The following UNC79 variants were observed in gnomAD, a reference collection of about 807,000 sequenced individuals.
UNC79 encodes unc-79 subunit of NALCN channel complex.
Under a neutral mutation model 283.1 loss-of-function variants are expected in UNC79, and 37 were observed. The ratio of observed to expected loss-of-function variants is 0.13; its 90% CI spans 0.10 to 0.17. The LOEUF is 0.17. Among genes scored for constraint, UNC79 ranks in the 10% least tolerant of loss-of-function variants. UNC79 has a pLI of 1.00. For missense variants in UNC79, 2,272 were observed against 3,211.1 expected (o/e 0.71, Z 7.07); for synonymous variants, 1,107 against 1,200.2 (o/e 0.92, Z 1.61).
intron 1 of UNC79, among the ~76,000 whole-genome samples, chr14:93,353,476 T>G (rs182643403): frequency 7.1e-4 from 108 of 152,340 alleles, no homozygotes; most frequent in Admixed American, 1.4e-3. Flanking sequence ...TCTTTCTTAG[T>G]CTTAGCCTCT....
At chr14:93,536,689 G>A (rs2061092047) in intron 11 of UNC79, among the ~76,000 whole-genome samples, 1 of 151,490 alleles carries the variant, frequency 6.6e-6, no homozygotes, top group African/African-American at 2.4e-5. Context: ...TGGGAATGAT[G>A]ACTTACGATT....
intron 14 of UNC79, 145 bp from the exon 15 acceptor site, chr14:93,571,749 A>T (rs960478280): frequency 1.3e-6 from 1 of 748,190 alleles, no homozygotes; most frequent in African/African-American, 1.8e-5. Flanking sequence ...TTACGAATCA[A>T]TCTCACACTG....
At chr14:93,538,845 T>C (rs1299434242) in intron 12 of UNC79, among the ~76,000 whole-genome samples, 4 of 147,892 alleles carry the variant, frequency 2.7e-5, no homozygotes, top group Non-Finnish European at 6.0e-5. Context: ...ACTTCTACCC[T>C]TCCTCTCTTT....
At chr14:93,701,096 C>T (rs2075496805) in intron 47 of UNC79, among the ~76,000 whole-genome samples, 2 of 152,188 alleles carry the variant, frequency 1.3e-5, no homozygotes, top group Non-Finnish European at 2.9e-5. Context: ...CCTCTCCTCA[C>T]TCAGGAAGAC....
chr14:93,497,232 C>A (rs1471081131), exon 7 of UNC79: 1 of 1,613,448 alleles, frequency 6.2e-7, no homozygotes, highest in Non-Finnish European at 8.5e-7. Flanking sequence ...CCACTACTGG[C>A]CCAATTTAAA....
intron 1 of UNC79, among the ~76,000 whole-genome samples, chr14:93,418,122 GCT>G (rs1044531778): frequency 5.3e-5 from 8 of 151,674 alleles, no homozygotes; most frequent in African/African-American, 1.5e-4. Context: ...CAGTTTTTCT[GCT>G]CTGTTTTTTC....
In UNC79 at chr14:93,706,705, A is replaced by G. The variant is rs200750709; in HGVS notation, c.7592A>G (p.His2531Arg). The G allele has an allele frequency of 1.8e-4, 287 of 1,614,034 alleles. 1 individual carries two copies. The East Asian group carries it at 5.9e-3, about 33-fold the overall frequency. The stretch of plus-strand genomic sequence containing the variant: ...AAACCTCTTGCCCTTTTTCGACAGC[A>G]CTTATCTGCGGGACTCCAGCTTCGC... Residue 2531 changes from histidine (H) to arginine (R), a missense_variant and splice_region_variant, in exon 49 of 49, where the codon CAC becomes CGC. Around this residue, in one of 11 missense-constraint regions of UNC79, gnomAD observed 225 missense variants for 334.2 expected, o/e 0.67. Transcript: ENST00000555664.
chr14:93,609,961 T>C (rs1307536008), intron 26 of UNC79, among the ~76,000 whole-genome samples: 4 of 152,274 alleles, frequency 2.6e-5, no homozygotes, highest in South Asian at 4.2e-4. Context: ...TTTCAGTACA[T>C]TTGTTAAAGA....
intron 7 of UNC79, among the ~76,000 whole-genome samples, chr14:93,500,435 G>A (rs965122557): frequency 6.6e-6 from 1 of 152,072 alleles, no homozygotes; most frequent in Non-Finnish European, 1.5e-5. Flanking sequence ...GTAGACCATG[G>A]CATTCTGTGT....
chr14:93,638,931 C>A (rs2068757564), intron 32 of UNC79, among the ~76,000 whole-genome samples: 1 of 152,198 alleles, frequency 6.6e-6, no homozygotes, highest in African/African-American at 2.4e-5. Flanking sequence ...CTATGGGGAT[C>A]AGTGTCCAAT....
At chr14:93,376,687 G>A (rs1485238955) in intron 1 of UNC79, among the ~76,000 whole-genome samples, 1 of 152,170 alleles carries the variant, frequency 6.6e-6, no homozygotes, top group South Asian at 2.1e-4. Context: ...CATCTGGTTG[G>A]CTCCAGCTAG....
At chr14:93,420,248 G>T (rs370211338) in intron 1 of UNC79, among the ~76,000 whole-genome samples, 1 of 148,988 alleles carries the variant, frequency 6.7e-6, no homozygotes, top group Admixed American at 6.7e-5. Context: ...GACACACATC[G>T]ACTGAAAACA....
chr14:93,409,763 G>A (rs1700079279), intron 1 of UNC79, among the ~76,000 whole-genome samples: 1 of 152,068 alleles, frequency 6.6e-6, no homozygotes, highest in African/African-American at 2.4e-5. Context: ...TCATTCCTAT[G>A]AATAAAAACA....
At chr14:93,398,650 T>C (rs930333850) in intron 1 of UNC79, among the ~76,000 whole-genome samples, 1 of 152,170 alleles carries the variant, frequency 6.6e-6, no homozygotes, top group Non-Finnish European at 1.5e-5. Context: ...GCAAACCCCA[T>C]GATGAAGGAT....
chr14:93,703,202 C>T (rs1379157132), intron 47 of UNC79, among the ~76,000 whole-genome samples: 1 of 152,210 alleles, frequency 6.6e-6, no homozygotes, highest in Non-Finnish European at 1.5e-5. Flanking sequence ...TGCCTTCTCT[C>T]TGCTTCCTGG....
intron 14 of UNC79, among the ~76,000 whole-genome samples, chr14:93,546,542 G>A (rs1175505327): frequency 6.6e-6 from 1 of 152,148 alleles, no homozygotes; most frequent in Non-Finnish European, 1.5e-5. Flanking sequence ...GAGGAATCAA[G>A]TAGAGAGAAA....
chr14:93,642,443 A>AT, intron 33 of UNC79, among the ~76,000 whole-genome samples: 1 of 150,406 alleles, frequency 6.6e-6, no homozygotes, highest in South Asian at 2.2e-4. Flanking sequence ...AAAAAAAAAA[A>AT]AGTGAGGAAG....
At chr14:93,344,298 G>A (rs772952565) in intron 1 of UNC79, among the ~76,000 whole-genome samples, 4 of 152,016 alleles carry the variant, frequency 2.6e-5, no homozygotes, top group South Asian at 2.1e-4. Flanking sequence ...GACTAATATC[G>A]TCTTTCTTAA....
chr14:93,673,201 T>C (rs912372869), intron 40 of UNC79, 150 bp from the exon 44 acceptor site: 2 of 636,964 alleles, frequency 3.1e-6, no homozygotes, highest in Admixed American at 6.8e-5. Flanking sequence ...TTTTTTGTTC[T>C]AATTTTATTT....
Sources: gnomAD v4.1 joint callset for allele counts (sites outside exome capture counted in the v4.1 genomes callset) on GRCh38, gnomAD v4.1.1 for gene constraint, gnomAD v4.1.1 regional missense constraint, MANE v1.5 for transcripts, NCBI Gene and HGNC (gene_info 2026-07-23, HGNC 2026-07-21) for gene names.